Variants in SMG9 observed in about 807,000 individuals in gnomAD.
The protein encoded by SMG9 is nonsense-mediated mRNA decay factor SMG9.
A neutral mutation model predicts 64.0 loss-of-function variants in SMG9; 55 were observed. The observed-to-expected ratio is 0.86, with a 90% CI of 0.69 to 1.08. SMG9 has a LOEUF of 1.08. Among genes scored for constraint, SMG9 ranks in the 50% least tolerant of loss-of-function variants. The pLI is 0.00. For synonymous variants in SMG9, 244 were observed against 254.8 expected (o/e 0.96, Z 0.41); for missense variants, 554 against 681.3 (o/e 0.81, Z 2.08).
chr19:43,732,812 C>G lies in SMG9; in HGVS notation c.1484+46G>C, dbSNP rs757587799. 34 of 1,611,610 alleles carry G rather than the reference C, an allele frequency of 2.1e-5. No individual in the cohort carries two copies. The Admixed American group carries it at 5.3e-4, about 25-fold the overall frequency. The stretch of plus-strand genomic sequence containing the variant: ...AAGGGACGCCCCCTTCTCTCTACAC[C>G]AGGGTGGGGTGCCTCAAATTGACCC... On this transcript the variant is annotated intron_variant, in intron 13 of 13. Coordinates refer to ENST00000270066, the MANE Select transcript of SMG9 (RefSeq NM_019108.4).
At chr19:43,753,890 G>C (rs934944672) in intron 1 of SMG9, among the ~76,000 whole-genome samples, 1 of 150,064 alleles carries the variant, frequency 6.7e-6, no homozygotes, top group Admixed American at 6.6e-5. Context: ...ACTCCAGCCT[G>C]GGCGACAGAG....
rs1376234175 is a variant in SMG9 at position 43,738,532 on chromosome 19, T to C, written c.814-315A>G. 2.7e-5 allele frequency among the ~76,000 whole-genome samples: 4 copies of C among 145,934 alleles called. No individual in the cohort carries two copies. The East Asian group carries it at 8.0e-4, about 29-fold the overall frequency. On this transcript the variant is annotated intron_variant, in intron 7 of 13. Coordinates refer to ENST00000270066, the MANE Select transcript of SMG9 (RefSeq NM_019108.4). ...TTTTGTTGTCAGTTGTTTCATACGC[T>C]TTCAAAACTTTGCTAAGATAATTAC...
In SMG9 at chr19:43,731,141, C is replaced by CT. The variant is rs1968469579; in HGVS notation, c.*454_*455insA. 1.0e-6 allele frequency: 1 copy of CT among 989,354 alleles called. No homozygotes were observed. The allele number at this position is 989,354 out of a possible 1,614,324, so 61.3% of individuals were successfully genotyped here. Reference sequence around the variant, plus strand: ...ATGGTGGGTAGAGGAGTAAGTGGAACATAAGAACAGGCTTGCATGACTGTG... The same window carrying CT: ...ATGGTGGGTAGAGGAGTAAGTGGAACTATAAGAACAGGCTTGCATGACTGTG... On this transcript the variant is annotated 3_prime_UTR_variant, in exon 14 of 14. Coordinates refer to ENST00000270066, the MANE Select transcript of SMG9 (RefSeq NM_019108.4).
At chr19:43,746,465 T>C (rs1325598888) in intron 5 of SMG9, among the ~76,000 whole-genome samples, 2 of 151,996 alleles carry the variant, frequency 1.3e-5, no homozygotes, top group African/African-American at 4.8e-5. Context: ...TAGGGTTTGG[T>C]TTTTTGTTGT....
At chr19:43,751,142 CTTTTT>C (rs1298566615) in intron 1 of SMG9, among the ~76,000 whole-genome samples, 2 of 151,282 alleles carry the variant, frequency 1.3e-5, no homozygotes, top group Non-Finnish European at 3.0e-5. Context: ...TTCCTTTCTT[CTTTTT>C]TTTGAGACAG....
At chr19:43,737,993 C>G in intron 8 of SMG9, 129 bp downstream of exon 8, 1 of 874,806 alleles carries the variant, frequency 1.1e-6, no homozygotes, top group Non-Finnish European at 1.9e-6. Context: ...CTTCCTATAG[C>G]CCTTGGGGCA....
At chr19:43,740,352 C>A in intron 6 of SMG9, 134 bp from the exon 7 acceptor site, 38 of 669,144 alleles carry the variant, frequency 5.7e-5, no homozygotes, top group Non-Finnish European at 7.9e-5. Context: ...ATCTGTGGCC[C>A]ATGTCAGGGG....
chr19:43,748,721 C>T (rs539043396), intron 2 of SMG9: 39 of 520,186 alleles, frequency 7.5e-5, no homozygotes, highest in South Asian at 4.1e-4. Context: ...GTCTGAGTCC[C>T]GTTCTTTCTC....
At chr19:43,733,158 T>C in intron 12 of SMG9, 156 bp from the exon 13 acceptor site, 3 of 1,315,302 alleles carry the variant, frequency 2.3e-6, no homozygotes, top group Non-Finnish European at 3.1e-6. Context: ...TAATAAAGGG[T>C]CCACACACCC....
intron 5 of SMG9, among the ~76,000 whole-genome samples, chr19:43,746,878 A>T (rs148311736): frequency 2.8e-4 from 42 of 150,410 alleles, no homozygotes; most frequent in African/African-American, 9.3e-4. Context: ...TTGGAGTGCA[A>T]TGTCATGATC....
chr19:43,739,278 C>G (rs959393816), intron 7 of SMG9, among the ~76,000 whole-genome samples: 5 of 152,246 alleles, frequency 3.3e-5, no homozygotes, highest in Non-Finnish European at 7.3e-5. Flanking sequence ...GTATTTAGCA[C>G]CTAACTCCTG....
chr19:43,738,097 C>T, intron 8 of SMG9, 25 bp downstream of exon 8: 1 of 1,606,836 alleles, frequency 6.2e-7, no homozygotes, highest in Admixed American at 1.7e-5. Flanking sequence ...AAACCTCAGT[C>T]CTGGGCCTGG....
intron 5 of SMG9, 26 bp from the exon 6 acceptor site, chr19:43,744,910 T>C (rs373191314): frequency 7.0e-5 from 110 of 1,573,478 alleles, no homozygotes; most frequent in Non-Finnish European, 9.3e-5. Flanking sequence ...TAAATGACTC[T>C]GACAAGTCTG....
intron 2 of SMG9, chr19:43,748,677 T>A (rs766122781): frequency 1.9e-6 from 1 of 520,144 alleles, no homozygotes; most frequent in Admixed American, 1.9e-5. Context: ...CTCCCCAACT[T>A]ACCCTCAGTC....
Position 43,744,657 on chromosome 19 carries a change from A to T in SMG9, c.701+115T>A, listed in dbSNP as rs1275978967. On this transcript the variant is annotated intron_variant, in intron 6 of 13. Transcript: ENST00000270066. ...ATGAAGACACTGAGGTCTACAGAAG[A>T]AAAGCAACTTTCCAAAGTCCTTTGG... The T allele has an allele frequency of 3.5e-5, 23 of 665,774 alleles. No homozygotes were observed. In the East Asian group the frequency reaches 6.4e-4, roughly 18 times the overall value. The allele number at this position is 665,774 out of a possible 1,614,324, so 41.2% of individuals were successfully genotyped here.
intron 6 of SMG9, among the ~76,000 whole-genome samples, chr19:43,744,038 T>C (rs1364623816): frequency 6.6e-6 from 1 of 152,192 alleles, no homozygotes; most frequent in African/African-American, 2.4e-5. Context: ...TTCCTACATT[T>C]TTCCCTTTCC....
intron 1 of SMG9, among the ~76,000 whole-genome samples, chr19:43,751,325 TG>T (rs1255033589): frequency 6.6e-6 from 1 of 151,770 alleles, no homozygotes; most frequent in Non-Finnish European, 1.5e-5. Flanking sequence ...TTAGTAGAGA[TG>T]GGGTTTCACC....
chr19:43,747,602 C>A lies in SMG9; in HGVS notation c.490+31G>T, dbSNP rs772700788. The stretch of plus-strand genomic sequence containing the variant: ...GAGGATCTGTGAGGAGACGCCAGTT[C>A]CCAACCTGGTACTGCCCAGCCCCAA... On this transcript the variant is annotated intron_variant, in intron 4 of 13. Coordinates refer to ENST00000270066, the MANE Select transcript of SMG9 (RefSeq NM_019108.4). 41 of 1,613,900 alleles carry A rather than the reference C, an allele frequency of 2.5e-5. No homozygotes were observed. In the East Asian group the frequency reaches 8.9e-4, roughly 35 times the overall value.
intron 2 of SMG9, chr19:43,748,720 C>T (rs752319281): frequency 1.9e-6 from 1 of 520,148 alleles, no homozygotes; most frequent in Non-Finnish European, 3.8e-6. Flanking sequence ...AGTCTGAGTC[C>T]CGTTCTTTCT....
Sources: allele counts gnomAD v4.1 joint callset (sites outside exome capture counted in the v4.1 genomes callset), GRCh38; gene constraint gnomAD v4.1.1; transcripts MANE v1.5; gene names NCBI Gene and HGNC (gene_info 2026-07-23, HGNC 2026-07-21).